The following SNX7 variants were observed in gnomAD, a reference collection of about 807,000 sequenced individuals.
SNX7 encodes sorting nexin 7.
A neutral mutation model predicts 48.4 loss-of-function variants in SNX7; 35 were observed. The ratio of observed to expected loss-of-function variants is 0.72; its 90% CI spans 0.55 to 0.96. SNX7 has a LOEUF of 0.96. SNX7 is among the 40% of genes least tolerant of loss of function. The pLI is 0.00. For synonymous variants in SNX7, 190 were observed against 190.2 expected (o/e 1.00, Z 0.01); for missense variants, 553 against 548.9 (o/e 1.01, Z -0.07).
At chr1:98,700,416 G>A (rs1389226000) in intron 6 of SNX7, among the ~76,000 whole-genome samples, 1 of 152,090 alleles carries the variant, frequency 6.6e-6, no homozygotes, top group Non-Finnish European at 1.5e-5. Flanking sequence ...AGTCATTTTG[G>A]TCAAAGAAAG....
At chr1:98,730,675 C>T (rs552442434) in intron 7 of SNX7, among the ~76,000 whole-genome samples, 1 of 151,978 alleles carries the variant, frequency 6.6e-6, no homozygotes, top group South Asian at 2.1e-4. Flanking sequence ...GAATAAAATA[C>T]CTAGGAATAC....
chr1:98,758,932 T>TACAC (rs3841351), intron 8 of SNX7, among the ~76,000 whole-genome samples: 2 of 150,888 alleles, frequency 1.3e-5, no homozygotes, highest in Admixed American at 6.6e-5. Flanking sequence ...TGTTTGTGCA[T>TACAC]ACACACACAC....
chr1:98,680,551 T>C (rs1650423010), intron 1 of SNX7, among the ~76,000 whole-genome samples: 1 of 152,330 alleles, frequency 6.6e-6, no homozygotes, highest in Admixed American at 6.5e-5. Flanking sequence ...TATGCTCCGC[T>C]TCCCTTGTAA....
In SNX7 at chr1:98,759,188, A is replaced by G. The variant is rs955743618; in HGVS notation, c.1279-866A>G. Among the ~76,000 whole-genome samples, 5 of 152,032 alleles carry G rather than the reference A, an allele frequency of 3.3e-5. No individual in the cohort carries two copies. The South Asian group carries it at 6.2e-4, about 19-fold the overall frequency. Reference sequence around the variant, plus strand: ...TTGGAGTGTTTATGTAGAAACATACATGTCTATGGCAGTCTATCCACATTT... The same window carrying G: ...TTGGAGTGTTTATGTAGAAACATACGTGTCTATGGCAGTCTATCCACATTT... On this transcript the variant is annotated intron_variant, in intron 8 of 8. Coordinates refer to ENST00000306121, the MANE Select transcript of SNX7 (RefSeq NM_015976.5).
intron 1 of SNX7, among the ~76,000 whole-genome samples, chr1:98,684,096 C>G (rs1415475744): frequency 6.6e-6 from 1 of 152,162 alleles, no homozygotes; most frequent in Non-Finnish European, 1.5e-5. Flanking sequence ...AATTCTTGAA[C>G]CTTTCTGGCA....
At chr1:98,756,764 T>C (rs949427778) in intron 8 of SNX7, among the ~76,000 whole-genome samples, 1 of 151,966 alleles carries the variant, frequency 6.6e-6, no homozygotes, top group East Asian at 1.9e-4. Flanking sequence ...TTTAACTCAG[T>C]GAGTCAGCCA....
chr1:98,661,366 T>C (rs530313857), upstream of SNX7, among the ~76,000 whole-genome samples: 51 of 152,202 alleles, frequency 3.4e-4, no homozygotes, highest in South Asian at 1.7e-3. Context: ...ACGGTTCGCT[T>C]CGTGGCTTCT....
intron 7 of SNX7, among the ~76,000 whole-genome samples, chr1:98,721,685 G>A (rs1652881480): frequency 6.6e-6 from 1 of 151,966 alleles, no homozygotes; most frequent in South Asian, 2.1e-4. Context: ...TTTAATAACA[G>A]AAAATTGGCC....
intron 7 of SNX7, among the ~76,000 whole-genome samples, chr1:98,732,311 C>T (rs775002612): frequency 5.9e-5 from 9 of 152,028 alleles, no homozygotes; most frequent in Non-Finnish European, 1.2e-4. Context: ...AGTCTATGGC[C>T]TGTAACTTTC....
chr1:98,680,873 T>A (rs1379822222), intron 1 of SNX7, among the ~76,000 whole-genome samples: 1 of 152,224 alleles, frequency 6.6e-6, no homozygotes, highest in South Asian at 2.1e-4. Context: ...CATTTTCCTG[T>A]CTTCATCTGA....
intron 7 of SNX7, among the ~76,000 whole-genome samples, chr1:98,712,151 A>G (rs903081600): frequency 6.6e-6 from 1 of 152,158 alleles, no homozygotes; most frequent in Non-Finnish European, 1.5e-5. Context: ...GCTCAAAGTC[A>G]TCTATAAGAG....
At chr1:98,740,413 A>G (rs1430969397) in intron 8 of SNX7, among the ~76,000 whole-genome samples, 2 of 152,208 alleles carry the variant, frequency 1.3e-5, no homozygotes, top group African/African-American at 4.8e-5. Flanking sequence ...GAGATAATTT[A>G]TAAGAAAATG....
chr1:98,754,572 G>T (rs1470713664), intron 8 of SNX7, among the ~76,000 whole-genome samples: 1 of 151,588 alleles, frequency 6.6e-6, no homozygotes, highest in Non-Finnish European at 1.5e-5. Flanking sequence ...CAAGGAATTG[G>T]TCCATTTCAT....
At chr1:98,758,014 T>C (rs1654936311) in intron 8 of SNX7, among the ~76,000 whole-genome samples, 1 of 152,084 alleles carries the variant, frequency 6.6e-6, no homozygotes, top group Non-Finnish European at 1.5e-5. Flanking sequence ...TCACAGACCC[T>C]ATACTTGATT....
chr1:98,708,968 A>G (rs1652158884), intron 7 of SNX7, among the ~76,000 whole-genome samples: 1 of 152,154 alleles, frequency 6.6e-6, no homozygotes, highest in Non-Finnish European at 1.5e-5. Context: ...AGTCTCTGTA[A>G]AGTATTTAAT....
At chr1:98,756,120 A>C (rs935354639) in intron 8 of SNX7, among the ~76,000 whole-genome samples, 1 of 151,818 alleles carries the variant, frequency 6.6e-6, no homozygotes, top group African/African-American at 2.4e-5. Flanking sequence ...GGTTATTTTT[A>C]GGTTACTGTA....
intron 1 of SNX7, among the ~76,000 whole-genome samples, chr1:98,666,944 C>G (rs796938033): frequency 2.8e-4 from 43 of 152,300 alleles, no homozygotes; most frequent in African/African-American, 1.0e-3. Context: ...CTGGCACTAT[C>G]CAGCATTAAG....
At chr1:98,677,877 CAAAAA>C (rs11346156) in intron 1 of SNX7, among the ~76,000 whole-genome samples, 2 of 116,564 alleles carry the variant, frequency 1.7e-5, no homozygotes, top group Non-Finnish European at 1.8e-5. Flanking sequence ...GACGCTGTCT[CAAAAA>C]AAAAAAAAAA....
intron 5 of SNX7, among the ~76,000 whole-genome samples, 197 bp downstream of exon 5, chr1:98,695,913 C>G (rs1226297137): frequency 6.6e-6 from 1 of 152,184 alleles, no homozygotes; most frequent in Admixed American, 6.5e-5. Flanking sequence ...TCACTTTTAT[C>G]AATCACTAGC....
Sources: gnomAD v4.1 joint callset for allele counts (sites outside exome capture counted in the v4.1 genomes callset) on GRCh38, gnomAD v4.1.1 for gene constraint, MANE v1.5 for transcripts, NCBI Gene and HGNC (gene_info 2026-07-23, HGNC 2026-07-21) for gene names.